TAFA4: variants seen among roughly 807,000 people sequenced by gnomAD.
TAFA4 encodes chemokine-like protein TAFA-4.
In TAFA4, 20 loss-of-function variants were observed where a neutral mutation model predicts 21.1. The ratio of observed to expected loss-of-function variants is 0.95; its 90% CI spans 0.67 to 1.38. TAFA4 has a LOEUF of 1.38. Ranked by LOEUF, TAFA4 falls within the 40% of genes most tolerant of loss-of-function variation. The pLI is 0.00. For synonymous variants in TAFA4, 71 were observed against 67.4 expected (o/e 1.05, Z -0.26); for missense variants, 211 against 180.9 (o/e 1.17, Z -0.95).
intron 5 of TAFA4, among the ~76,000 whole-genome samples, chr3:68,734,340 G>T (rs1206984304): frequency 6.6e-6 from 1 of 152,084 alleles, no homozygotes; most frequent in African/African-American, 2.4e-5. Flanking sequence ...AGAGGAAGAG[G>T]TTGGATAAAC....
intron 5 of TAFA4, among the ~76,000 whole-genome samples, chr3:68,735,969 C>T (rs1027502520): frequency 1.4e-4 from 21 of 151,896 alleles, no homozygotes; most frequent in African/African-American, 3.4e-4. Flanking sequence ...CAGAAATATC[C>T]GAGACATTGC....
At chr3:68,931,950 G>A (rs1435842370) in intron 1 of TAFA4, among the ~76,000 whole-genome samples, 1 of 152,078 alleles carries the variant, frequency 6.6e-6, no homozygotes, top group South Asian at 2.1e-4. Flanking sequence ...AGCACCCCCG[G>A]GGATTCTGTC....
intron 2 of TAFA4, among the ~76,000 whole-genome samples, chr3:68,881,525 C>T (rs1384889869): frequency 6.6e-6 from 1 of 152,114 alleles, no homozygotes; most frequent in Non-Finnish European, 1.5e-5. Context: ...TTCCCAGCTG[C>T]CTAACTTTCT....
At chr3:68,850,543 C>G (rs1704917665) in intron 3 of TAFA4, among the ~76,000 whole-genome samples, 1 of 152,158 alleles carries the variant, frequency 6.6e-6, no homozygotes, top group African/African-American at 2.4e-5. Flanking sequence ...TCTCTGCAAC[C>G]TCACCGGCAT....
At chr3:68,799,600 T>C (rs996785762) in intron 3 of TAFA4, among the ~76,000 whole-genome samples, 3 of 152,134 alleles carry the variant, frequency 2.0e-5, no homozygotes, top group Non-Finnish European at 4.4e-5. Context: ...TGGTCCCAAT[T>C]TAATCCCATA....
intron 3 of TAFA4, among the ~76,000 whole-genome samples, chr3:68,828,164 T>C (rs1045532979): frequency 9.2e-5 from 14 of 152,216 alleles, no homozygotes; most frequent in African/African-American, 3.4e-4. Flanking sequence ...TTTTGTCAGG[T>C]TTGTCAAAGA....
At chr3:68,923,091 C>A (rs756284256) in intron 1 of TAFA4, among the ~76,000 whole-genome samples, 12 of 152,154 alleles carry the variant, frequency 7.9e-5, no homozygotes, top group Non-Finnish European at 1.3e-4. Flanking sequence ...ACTCCCCTTC[C>A]CCATACAGGC....
chr3:68,860,153 C>T (rs1431070869), intron 3 of TAFA4, among the ~76,000 whole-genome samples: 1 of 152,048 alleles, frequency 6.6e-6, no homozygotes, highest in Non-Finnish European at 1.5e-5. Context: ...TGAAATAGTT[C>T]CTGGTAACCT....
rs1007812400 is a variant in TAFA4 at position 68,731,784 on chromosome 3, T to G, written c.*1358A>C. 1.3e-5 allele frequency: 2 copies of G among 152,116 alleles called. No individual in the cohort carries two copies. The highest frequency in any genetic ancestry group is 4.8e-5 in the African/African-American group (2 of 41,428). 9.4% of individuals were successfully genotyped at this position (152,116 alleles called of 1,614,324 possible). On this transcript the variant is annotated 3_prime_UTR_variant, in exon 6 of 6. Transcript: ENST00000295569. ...ACATGTATGCCATCAGCAGGATGAATTTTTTTACTTATTCATATGATCATA... is the reference window on the plus strand; with the variant it reads ...ACATGTATGCCATCAGCAGGATGAAGTTTTTTACTTATTCATATGATCATA...
intron 4 of TAFA4, among the ~76,000 whole-genome samples, chr3:68,745,524 A>T (rs1702441686): frequency 6.6e-6 from 1 of 152,198 alleles, no homozygotes; most frequent in African/African-American, 2.4e-5. Flanking sequence ...TTATGCAGAA[A>T]GAAAGAAAAA....
At chr3:68,892,521 T>C (rs2089740464) in intron 1 of TAFA4, among the ~76,000 whole-genome samples, 1 of 152,178 alleles carries the variant, frequency 6.6e-6, no homozygotes, top group Non-Finnish European at 1.5e-5. Flanking sequence ...AGCCCTGCCT[T>C]GACCACTACA....
intron 1 of TAFA4, among the ~76,000 whole-genome samples, chr3:68,901,128 C>A (rs2089840544): frequency 6.6e-6 from 1 of 152,148 alleles, no homozygotes; most frequent in Non-Finnish European, 1.5e-5. Context: ...CTCATCCATG[C>A]AGGGGGTACA....
intron 3 of TAFA4, among the ~76,000 whole-genome samples, chr3:68,852,746 C>T (rs886429426): frequency 6.6e-6 from 1 of 152,174 alleles, no homozygotes; most frequent in African/African-American, 2.4e-5. Flanking sequence ...AATTCACTAA[C>T]AAAGTTCCCA....
chr3:68,807,392 T>A (rs949863802), intron 3 of TAFA4, among the ~76,000 whole-genome samples: 7 of 152,162 alleles, frequency 4.6e-5, no homozygotes, highest in Non-Finnish European at 2.9e-5. Context: ...GAAGCAATGA[T>A]GAAGAACAAT....
intron 4 of TAFA4, among the ~76,000 whole-genome samples, chr3:68,743,624 T>C (rs978576175): frequency 1.3e-5 from 2 of 148,704 alleles, no homozygotes; most frequent in African/African-American, 4.9e-5. Context: ...CAGCCTCAAA[T>C]ATCATAACAA....
intron 3 of TAFA4, among the ~76,000 whole-genome samples, chr3:68,817,393 T>A (rs958578335): frequency 6.6e-6 from 1 of 152,170 alleles, no homozygotes; most frequent in African/African-American, 2.4e-5. Flanking sequence ...AAATTCCTCA[T>A]AGTCATCCAT....
chr3:68,882,516 C>G (rs1226756000), intron 2 of TAFA4, among the ~76,000 whole-genome samples: 1 of 152,176 alleles, frequency 6.6e-6, no homozygotes, highest in Admixed American at 6.5e-5. Context: ...TAGTCAGTAC[C>G]TTGGGCCCAA....
chr3:68,823,760 C>T (rs999504069), intron 3 of TAFA4, among the ~76,000 whole-genome samples: 3 of 152,260 alleles, frequency 2.0e-5, no homozygotes, highest in East Asian at 3.9e-4. Flanking sequence ...GCTTCATTCA[C>T]GTCCCTACAA....
chr3:68,875,586 A>G (rs1019231469), intron 3 of TAFA4, among the ~76,000 whole-genome samples: 1 of 152,208 alleles, frequency 6.6e-6, no homozygotes, highest in Non-Finnish European at 1.5e-5. Flanking sequence ...GAAGTGGGAC[A>G]GGAAGAAGGA....
Sources: allele counts gnomAD v4.1 joint callset (sites outside exome capture counted in the v4.1 genomes callset), GRCh38; gene constraint gnomAD v4.1.1; transcripts MANE v1.5; gene names NCBI Gene and HGNC (gene_info 2026-07-23, HGNC 2026-07-21).